PCYOX1L: variants seen among roughly 807,000 people sequenced by gnomAD.
PCYOX1L encodes prenylcysteine oxidase 1 like, also known as prenylcysteine oxidase 1-like.
PCYOX1L carries 40 observed loss-of-function variants against 44.1 expected under a neutral mutation model. The observed-to-expected ratio is 0.91, with a 90% CI of 0.70 to 1.18. The LOEUF (loss-of-function observed/expected upper bound fraction) is 1.18, where lower values mean the gene tolerates loss of function less well. PCYOX1L is among the 50% of genes most tolerant of loss of function. PCYOX1L has a pLI of 0.00. For missense variants in PCYOX1L, 605 were observed against 653.3 expected, an observed-to-expected ratio of 0.93 and a Z score of 0.81; for synonymous variants, 266 against 282.8, an observed-to-expected ratio of 0.94 and a Z score of 0.60.
chr5:149,367,318 G>T (rs748021016), intron 4 of PCYOX1L, 42 bp from the exon 5 acceptor site: 6 of 1,580,338 alleles, frequency 3.8e-6, no homozygotes, highest in Middle Eastern at 3.4e-4. Context: ...CCTGCCCCAC[G>T]GCCCTGACAA....
chr5:149,364,462 G>A (rs1045933243), intron 3 of PCYOX1L: 2 of 389,002 alleles, frequency 5.1e-6, no homozygotes, highest in Admixed American at 3.9e-5. Context: ...ATAAAAGCAT[G>A]GGTTGCAAAC....
chr5:149,367,816 A>G (rs1291461046), intron 5 of PCYOX1L, among the ~76,000 whole-genome samples, 177 bp from the exon 6 acceptor site: 2 of 152,178 alleles, frequency 1.3e-5, no homozygotes, highest in Non-Finnish European at 2.9e-5. Flanking sequence ...TCCTGACTCC[A>G]TGCCCCTTGC....
Position 149,368,307 on chromosome 5 carries a change from T to C in PCYOX1L, c.1138T>C (p.Ser380Pro), listed in dbSNP as rs377305794. Residue 380 changes from serine (S) to proline (P), a missense_variant, in exon 6 of 6, where the codon TCT becomes CCT. Coordinates refer to ENST00000274569, the MANE Select transcript of PCYOX1L (RefSeq NM_024028.4). ...TLDNICPVNI[S>P]ASFRRKQPQE... ...GGACAACATCTGCCCTGTCAACATCTCTGCCAGCTTCCGGCGAAAGCAGCC... is the reference window on the plus strand; with the variant it reads ...GGACAACATCTGCCCTGTCAACATCCCTGCCAGCTTCCGGCGAAAGCAGCC... 1.2e-6 allele frequency: 2 copies of C among 1,614,148 alleles called. No individual in the cohort carries two copies. Among genetic ancestry groups the C allele is most frequent in the Admixed American group, 3.3e-5 (2 of 60,024 alleles).
intron 1 of PCYOX1L, 174 bp from the exon 2 acceptor site, chr5:149,362,463 T>G (rs1758034198): frequency 1.5e-6 from 1 of 650,320 alleles, no homozygotes; most frequent in Admixed American, 2.9e-5. Context: ...TGCCTTTGCT[T>G]ATTAATAGCT....
At chr5:149,364,260 G>T (rs773375253) in intron 3 of PCYOX1L, 50 bp downstream of exon 3, 122 of 1,604,486 alleles carry the variant, frequency 7.6e-5, no homozygotes, top group Non-Finnish European at 7.9e-5. Flanking sequence ...ACCGAGAAGA[G>T]GTGGGGGAGG....
Position 149,368,009 on chromosome 5 carries a change from C to G in PCYOX1L, c.840C>G (p.Tyr280Ter). The G allele has an allele frequency of 6.5e-7, 1 of 1,540,388 alleles. No individual in the cohort carries two copies. The highest frequency in any genetic ancestry group is 8.7e-7 in the Non-Finnish European group (1 of 1,146,594). The change falls in exon 6 of 6, where the codon TAC becomes TAG. Residue 280 changes from tyrosine to a stop codon, truncating the protein, a stop_gained. Transcript: ENST00000274569. LOFTEE classifies it high-confidence loss of function. ...TCTTTCCAGAGGGGAAAGCCCTGTA[C>G]CAGGTGGCGTATGAGAATGAGGTAG... is the stretch of plus-strand genomic sequence containing the variant. ...TLHSTEGKALYQVAYENEVGN... is the reference protein window; with the variant it reads ...TLHSTEGKAL
intron 4 of PCYOX1L, among the ~76,000 whole-genome samples, chr5:149,367,050 G>A (rs949499250): frequency 1.5e-4 from 23 of 151,786 alleles, no homozygotes; most frequent in Non-Finnish European, 1.0e-4. Flanking sequence ...AACACCCCCC[G>A]GCCTCCCAGC....
At position 149,364,362 on chromosome 5, in the gene PCYOX1L, A is replaced by G. The variant is rs1008620327; in HGVS notation, c.470+152A>G. On this transcript the variant is annotated intron_variant, in intron 3 of 5. Coordinates refer to ENST00000274569, the MANE Select transcript of PCYOX1L (RefSeq NM_024028.4). ...TGCAGGCTCAGAGCAAGCCCCTGGC[A>G]TGAGGAATGGCCGTATTTGGTCCAG... 11 of 883,448 alleles carry G rather than the reference A, an allele frequency of 1.2e-5. No homozygotes were observed. The Admixed American group carries it at 1.4e-4, about 11-fold the overall frequency. 54.7% of individuals were successfully genotyped at this position (883,448 alleles called of 1,614,324 possible).
chr5:149,364,395 C>A (rs1758129739), intron 3 of PCYOX1L, 185 bp downstream of exon 3: 4 of 642,636 alleles, frequency 6.2e-6, no homozygotes, highest in Non-Finnish European at 1.1e-5. Context: ...CAGTAATGGT[C>A]TCCCTAGTAT....
chr5:149,367,441 A>C lies in PCYOX1L; in HGVS notation c.764A>C (p.Lys255Thr). The C allele has an allele frequency of 6.2e-7, 1 of 1,613,912 alleles. No individual in the cohort carries two copies. The highest frequency in any genetic ancestry group is 2.2e-5 in the East Asian group (1 of 44,864). ...GNKLVCSGLLKLTKANVIHAT... is the reference protein window; with the variant it reads ...GNKLVCSGLLTLTKANVIHAT... ...AAGCTGGTTTGTTCCGGTTTGCTGA[A>C]GCTCACCAAGGCCAATGTGATCCAT... is the stretch of plus-strand genomic sequence containing the variant. The change falls in exon 5 of 6, where the codon AAG becomes ACG. Residue 255 changes from lysine to threonine, a missense_variant. Transcript: ENST00000274569.
At chr5:149,365,811 C>A in intron 3 of PCYOX1L, 131 bp from the exon 4 acceptor site, 2 of 780,092 alleles carry the variant, frequency 2.6e-6, no homozygotes, top group African/African-American at 1.7e-5. Context: ...CATGACCAGC[C>A]TCTTCTGCCA....
In PCYOX1L at chr5:149,368,615, T is replaced by G; in HGVS notation, c.1446T>G (p.Asp482Glu). Residue 482 changes from aspartate to glutamate, a missense_variant, in exon 6 of 6, where the codon GAT (aspartate) becomes GAG (glutamate). Coordinates refer to ENST00000274569, the MANE Select transcript of PCYOX1L (RefSeq NM_024028.4). Reference protein sequence around the residue: ...NRWYQDLDKIDQKDLMHKVKT... With the variant: ...NRWYQDLDKIEQKDLMHKVKT... ...GGTACCAGGACCTAGACAAGATTGA[T>G]CAAAAAGATTTGATGCACAAGGTCA... 1 of 1,529,148 alleles carries G rather than the reference T, an allele frequency of 6.5e-7. No homozygotes were observed. The highest frequency in any genetic ancestry group is 8.7e-7 in the Non-Finnish European group (1 of 1,143,854). 94.7% of individuals were successfully genotyped at this position (1,529,148 alleles called of 1,614,324 possible). A position where few individuals can be genotyped will look rare whatever the true frequency, so the allele number is the denominator to read the frequency against.
At chr5:149,358,362 A>G (rs1228933680) in intron 1 of PCYOX1L, among the ~76,000 whole-genome samples, 2 of 152,240 alleles carry the variant, frequency 1.3e-5, no homozygotes, top group African/African-American at 4.8e-5. Context: ...AGGGCCACCT[A>G]GGACGGAAAA....
At position 149,366,018 on chromosome 5, in the gene PCYOX1L, T is replaced by C; in HGVS notation, c.547T>C (p.Phe183Leu). 6.2e-7 allele frequency: 1 copy of C among 1,614,232 alleles called. No individual in the cohort carries two copies. The highest frequency in any genetic ancestry group is 8.5e-7 in the Non-Finnish European group (1 of 1,180,030). The part of the protein sequence containing the change: ...ELLYSLGEST[F>L]VNMTQHSVAE... The stretch of plus-strand genomic sequence containing the variant: ...GCTCTACTCACTGGGGGAGTCCACC[T>C]TTGTTAACATGACCCAGCACTCTGT... The change falls in exon 4 of 6, where the codon TTT becomes CTT. Residue 183 changes from phenylalanine to leucine, a missense_variant. By Grantham distance (22) the Phe-to-Leu change is conservative (BLOSUM62 0). Coordinates refer to ENST00000274569, the MANE Select transcript of PCYOX1L (RefSeq NM_024028.4).
rs754571513 is a variant in PCYOX1L, at chr5:149,368,136, G to A, written c.967G>A (p.Asp323Asn). The A allele has an allele frequency of 6.2e-7, 1 of 1,613,430 alleles. No individual in the cohort carries two copies. The highest frequency in any genetic ancestry group is 1.1e-5 in the South Asian group (1 of 90,974). ...CTTTGCAGGCTTCCACCCGCCCATT[G>A]ATGACGTGCAGGGCTCTTTCCAGCC... is the stretch of plus-strand genomic sequence containing the variant. ...LTFAGFHPPI[D>N]DVQGSFQPTV... Residue 323 changes from aspartate (D) to asparagine (N), a missense_variant, in exon 6 of 6, where the codon GAT becomes AAT. Transcript: ENST00000274569.
Position 149,358,131 on chromosome 5 carries a change from C to T in PCYOX1L, c.63C>T (p.Gly21=). Residue 21 remains glycine (G), a synonymous_variant, in exon 1 of 6, where the codon GGC becomes GGT. Coordinates refer to ENST00000274569, the MANE Select transcript of PCYOX1L (RefSeq NM_024028.4). ...CGCTCCTCGCCGCCGCCGCTGCTGG[C>T]GGAGATGCCCCGCCGGGCAAAATCG... The part of the protein sequence containing the change: ...LTALLAAAAA[G]GDAPPGKIAV... 7 of 1,457,480 alleles carry T rather than the reference C, an allele frequency of 4.8e-6. No individual in the cohort carries two copies. The highest frequency in any genetic ancestry group is 5.4e-6 in the Non-Finnish European group (6 of 1,107,742). The allele number at this position is 1,457,480 out of a possible 1,614,324, so 90.3% of individuals were successfully genotyped here.
intron 1 of PCYOX1L, chr5:149,361,907 G>A (rs55699024): frequency 0.05 from 7,641 of 152,512 alleles, 299 homozygotes; most frequent in African/African-American, 0.1. Context: ...GTGATTACAG[G>A]CGTGAGCCAC....
intron 2 of PCYOX1L, chr5:149,363,697 A>G: frequency 3.1e-6 from 1 of 325,468 alleles, no homozygotes; most frequent in South Asian, 3.2e-5. Flanking sequence ...GTAAGGAGCT[A>G]GGATAACTTC....
In PCYOX1L at chr5:149,368,475, A is replaced by G; in HGVS notation, c.1306A>G (p.Arg436Gly). 6.2e-7 allele frequency: 1 copy of G among 1,612,890 alleles called. No individual in the cohort carries two copies. The highest frequency in any genetic ancestry group is 1.1e-5 in the South Asian group (1 of 90,952). ...CTATGGCTCCCGCCCCACGCTCCCG[A>G]GGTTTGCACTCCATGACCAGCTCTT... ...PLYGSRPTLP[R>G]FALHDQLFYL... Residue 436 changes from arginine to glycine, a missense_variant, in exon 6 of 6, where the codon AGG becomes GGG. Coordinates refer to ENST00000274569, the MANE Select transcript of PCYOX1L (RefSeq NM_024028.4).
Sources: gnomAD v4.1 joint callset for allele counts (sites outside exome capture counted in the v4.1 genomes callset) on GRCh38, gnomAD v4.1.1 for gene constraint, MANE v1.5 for transcripts, NCBI Gene and HGNC (gene_info 2026-07-23, HGNC 2026-07-21) for gene names.